Variants in DGKB observed in about 807,000 individuals in gnomAD.
DGKB encodes the protein 90 kDa diacylglycerol kinase.
Under a neutral mutation model 114.3 loss-of-function variants are expected in DGKB, and 67 were observed. The ratio of observed to expected loss-of-function variants is 0.59; its 90% CI spans 0.48 to 0.72. The LOEUF is 0.72. DGKB is among the 30% of genes least tolerant of loss of function. The pLI is 0.00. For missense variants in DGKB, 907 were observed against 975.2 expected, an observed-to-expected ratio of 0.93 and a Z score of 0.93; for synonymous variants, 398 against 323.1, an observed-to-expected ratio of 1.23 and a Z score of -2.49.
chr7:14,908,900 C>T (rs946241398), intron 1 of DGKB, among the ~76,000 whole-genome samples: 2 of 152,116 alleles, frequency 1.3e-5, no homozygotes, highest in African/African-American at 4.8e-5. Flanking sequence ...TAACAAAACT[C>T]ATTATCATTA....
At chr7:14,743,322 G>A (rs1466432224) in intron 4 of DGKB, among the ~76,000 whole-genome samples, 1 of 152,274 alleles carries the variant, frequency 6.6e-6, no homozygotes, top group Non-Finnish European at 1.5e-5. Context: ...GAGAAGACAG[G>A]AGACAAACTG....
intron 23 of DGKB, among the ~76,000 whole-genome samples, chr7:14,258,828 C>T (rs908474724): frequency 3.9e-5 from 6 of 152,058 alleles, no homozygotes; most frequent in African/African-American, 7.3e-5. Context: ...CCCTAGGGTA[C>T]GTGTGTTGCT....
chr7:14,379,713 C>T (rs1028688768), intron 21 of DGKB, among the ~76,000 whole-genome samples: 1 of 152,164 alleles, frequency 6.6e-6, no homozygotes, highest in East Asian at 1.9e-4. Context: ...GCACGTGCCA[C>T]CACGCCAGCT....
chr7:14,739,426 C>T (rs566240506), intron 4 of DGKB, among the ~76,000 whole-genome samples: 1 of 152,288 alleles, frequency 6.6e-6, no homozygotes, highest in East Asian at 1.9e-4. Flanking sequence ...CTCTTCAGCT[C>T]ATGTGTGGTG....
chr7:14,327,479 C>G (rs1808949073), intron 23 of DGKB, among the ~76,000 whole-genome samples: 1 of 151,882 alleles, frequency 6.6e-6, no homozygotes, highest in South Asian at 2.1e-4. Flanking sequence ...TATAAAATAT[C>G]TAACTCAAAA....
chr7:14,351,831 T>C (rs1429531488), intron 21 of DGKB, among the ~76,000 whole-genome samples: 5 of 152,178 alleles, frequency 3.3e-5, no homozygotes, highest in Admixed American at 2.0e-4. Context: ...ATTCTACACA[T>C]GTTATAGAAA....
At chr7:14,279,504 G>C (rs10228492) in intron 23 of DGKB, among the ~76,000 whole-genome samples, 1 of 152,088 alleles carries the variant, frequency 6.6e-6, no homozygotes, top group Non-Finnish European at 1.5e-5. Context: ...TGGAGAGAGC[G>C]GTGGTTCTCC....
chr7:14,580,835 C>T, intron 19 of DGKB, 27 bp downstream of exon 19: 2 of 1,543,328 alleles, frequency 1.3e-6, no homozygotes, highest in Non-Finnish European at 1.8e-6. Context: ...TGTACTGTTT[C>T]TGCTTTTGTT....
chr7:14,765,604 G>C (rs1159144406), intron 2 of DGKB, among the ~76,000 whole-genome samples: 2 of 151,802 alleles, frequency 1.3e-5, no homozygotes, highest in Admixed American at 6.6e-5. Context: ...CAAAATATTT[G>C]TAAGAGTCAT....
At chr7:14,729,191 C>A (rs549871198) in intron 5 of DGKB, among the ~76,000 whole-genome samples, 3 of 140,962 alleles carry the variant, frequency 2.1e-5, no homozygotes, top group African/African-American at 8.3e-5. Flanking sequence ...GGCGCCATCT[C>A]GGCTCACTGC....
intron 21 of DGKB, among the ~76,000 whole-genome samples, chr7:14,451,360 G>C (rs920858307): frequency 2.6e-5 from 4 of 151,936 alleles, no homozygotes; most frequent in Non-Finnish European, 4.4e-5. Context: ...TGGGAGATTG[G>C]TTTTCTGCCT....
Position 14,682,039 on chromosome 7 carries a change from A to C in DGKB, c.1035+514T>G, listed in dbSNP as rs374014225. Among the ~76,000 whole-genome samples the C allele has an allele frequency of 2.5e-5, 3 of 120,956 alleles. No homozygotes were observed. The South Asian group carries it at 9.0e-4, about 36-fold the overall frequency. 79.4% of individuals were successfully genotyped at this position (120,956 alleles called of 152,430 possible). A position where few individuals can be genotyped will look rare whatever the true frequency, so the allele number is the denominator to read the frequency against. On this transcript the variant is annotated intron_variant, in intron 12 of 25. Transcript: ENST00000402815. ...GCCCTTCTATCTAGTCACGTGGTCA[A>C]GGACAATCTGCTTAACTTTTTTGGT... is the stretch of plus-strand genomic sequence containing the variant.
chr7:14,962,073 T>C (rs1786878507), intron 1 of DGKB, among the ~76,000 whole-genome samples: 1 of 152,144 alleles, frequency 6.6e-6, no homozygotes, highest in Admixed American at 6.6e-5. Context: ...ACCGTTTGTC[T>C]AAAACTTTAA....
At chr7:14,823,819 T>G (rs1355165228) in intron 2 of DGKB, among the ~76,000 whole-genome samples, 1 of 152,180 alleles carries the variant, frequency 6.6e-6, no homozygotes, top group East Asian at 1.9e-4. Context: ...TTTCATCAGT[T>G]GCCCTTGCCT....
intron 23 of DGKB, among the ~76,000 whole-genome samples, chr7:14,189,079 A>G (rs2128266963): frequency 6.6e-6 from 1 of 152,342 alleles, no homozygotes; most frequent in Non-Finnish European, 1.5e-5. Context: ...TACTAACAGG[A>G]AAACAAGTGA....
At chr7:14,447,239 C>T (rs1247612846) in intron 21 of DGKB, among the ~76,000 whole-genome samples, 1 of 151,460 alleles carries the variant, frequency 6.6e-6, no homozygotes, top group East Asian at 2.0e-4. Context: ...AACTCAGCCC[C>T]TTACTGGCAG....
intron 23 of DGKB, among the ~76,000 whole-genome samples, chr7:14,237,343 T>C (rs1792956061): frequency 6.6e-6 from 1 of 151,912 alleles, no homozygotes; most frequent in Non-Finnish European, 1.5e-5. Flanking sequence ...CCTTTCTCCC[T>C]CTTTCCTTCC....
chr7:14,937,444 T>C (rs1785332522), intron 1 of DGKB, among the ~76,000 whole-genome samples: 1 of 152,160 alleles, frequency 6.6e-6, no homozygotes, highest in Non-Finnish European at 1.5e-5. Flanking sequence ...TACATATTAA[T>C]GGAGACTCCA....
intron 23 of DGKB, among the ~76,000 whole-genome samples, chr7:14,271,266 A>T (rs561378135): frequency 6.6e-6 from 1 of 152,316 alleles, no homozygotes; most frequent in East Asian, 1.9e-4. Flanking sequence ...GAAGCAGAAT[A>T]TATAGTGGTC....
Sources: allele counts gnomAD v4.1 joint callset (sites outside exome capture counted in the v4.1 genomes callset), GRCh38; gene constraint gnomAD v4.1.1; transcripts MANE v1.5; gene names NCBI Gene and HGNC (gene_info 2026-07-23, HGNC 2026-07-21).